The following PPFIBP1 variants were observed in gnomAD, a reference collection of about 807,000 sequenced individuals.
The protein encoded by PPFIBP1 is liprin-beta-1.
A neutral mutation model predicts 137.8 loss-of-function variants in PPFIBP1; 112 were observed. The observed-to-expected ratio is 0.81, with a 90% CI of 0.70 to 0.95. The LOEUF (loss-of-function observed/expected upper bound fraction) is 0.95. Among genes scored for constraint, PPFIBP1 ranks in the 40% least tolerant of loss-of-function variants. PPFIBP1 has a pLI of 0.00. For synonymous variants in PPFIBP1, 378 were observed against 417.3 expected (o/e 0.91, Z 1.15); for missense variants, 1,083 against 1,196.6 (o/e 0.91, Z 1.40).
At chr12:27,668,945 G>A (rs1173644132) in intron 13 of PPFIBP1, among the ~76,000 whole-genome samples, 4 of 152,108 alleles carry the variant, frequency 2.6e-5, no homozygotes, top group African/African-American at 4.8e-5. Context: ...GATAGCCCTT[G>A]TGCTTGATCT....
At chr12:27,615,101 A>T (rs760606413) in intron 2 of PPFIBP1, among the ~76,000 whole-genome samples, 4 of 152,316 alleles carry the variant, frequency 2.6e-5, no homozygotes, top group Middle Eastern at 3.4e-3. Flanking sequence ...GGGGGTTCTG[A>T]GCTTGGGCTG....
intron 2 of PPFIBP1, among the ~76,000 whole-genome samples, chr12:27,606,463 A>G (rs1035846015): frequency 2.0e-5 from 3 of 152,214 alleles, no homozygotes; most frequent in African/African-American, 7.2e-5. Flanking sequence ...ATTGTTTGCC[A>G]TTTGATAGCT....
At chr12:27,614,702 C>G (rs2055555229) in intron 2 of PPFIBP1, among the ~76,000 whole-genome samples, 1 of 151,992 alleles carries the variant, frequency 6.6e-6, no homozygotes, top group Non-Finnish European at 1.5e-5. Flanking sequence ...GAAAGGACAG[C>G]CTGCAATGCA....
intron 24 of PPFIBP1, among the ~76,000 whole-genome samples, chr12:27,686,762 A>G (rs946138866): frequency 2.0e-5 from 3 of 152,028 alleles, no homozygotes; most frequent in Non-Finnish European, 4.4e-5. Flanking sequence ...CCTTGCTAGG[A>G]GCGGTGCCTC....
chr12:27,622,559 C>T (rs1219306349), intron 2 of PPFIBP1, among the ~76,000 whole-genome samples: 4 of 152,188 alleles, frequency 2.6e-5, no homozygotes, highest in South Asian at 2.1e-4. Context: ...GGTTTTCAAA[C>T]GTTTTTAACC....
In PPFIBP1 at chr12:27,535,240, G is replaced by C. The variant is rs376317754; in HGVS notation, c.-124+10875G>C. Reference sequence around the variant, plus strand: ...CTTTCTCATACAGTTTTTTTCTCTTGACTTGTCATAGTATTGGCTACTTGT... The same window carrying C: ...CTTTCTCATACAGTTTTTTTCTCTTCACTTGTCATAGTATTGGCTACTTGT... On this transcript the variant is annotated intron_variant, in intron 1 of 29. Coordinates refer to ENST00000228425, the MANE Select transcript of PPFIBP1 (RefSeq NM_003622.4). Among the ~76,000 whole-genome samples the C allele has an allele frequency of 4.6e-5, 7 of 152,096 alleles. 1 individual carries two copies. Among genetic ancestry groups the C allele is most frequent in the African/African-American group, 1.7e-4 (7 of 41,488 alleles).
In PPFIBP1 at chr12:27,682,671, G is replaced by C; in HGVS notation, c.2215G>C (p.Val739Leu). Residue 739 changes from valine to leucine, a missense_variant, in exon 24 of 30, where the codon GTT becomes CTT. Val to Leu is a conservative substitution (Grantham distance 32). Coordinates refer to ENST00000228425, the MANE Select transcript of PPFIBP1 (RefSeq NM_003622.4). Reference sequence around the variant, plus strand: ...TAAGACCCAGTTTGATGAAGGACGGGTTGATGGTCGAATGCTACATTACAT... The same window carrying C: ...TAAGACCCAGTTTGATGAAGGACGGCTTGATGGTCGAATGCTACATTACAT... ...QYKTQFDEGR[V>L]DGRMLHYMTV... is the part of the protein sequence containing the mutation. 2 of 1,614,144 alleles carry C rather than the reference G, an allele frequency of 1.2e-6. No individual in the cohort carries two copies. The highest frequency in any genetic ancestry group is 1.7e-6 in the Non-Finnish European group (2 of 1,180,026).
intron 2 of PPFIBP1, among the ~76,000 whole-genome samples, chr12:27,579,856 A>G (rs559628073): frequency 6.6e-6 from 1 of 152,198 alleles, no homozygotes; most frequent in Non-Finnish European, 1.5e-5. Flanking sequence ...CTCAACAGGA[A>G]CAGATGAAGA....
chr12:27,631,638 A>C (rs1183601092), intron 2 of PPFIBP1, among the ~76,000 whole-genome samples: 1 of 152,210 alleles, frequency 6.6e-6, no homozygotes, highest in Non-Finnish European at 1.5e-5. Context: ...CTAGTTCTTC[A>C]CTACTTTGAA....
intron 1 of PPFIBP1, among the ~76,000 whole-genome samples, chr12:27,561,426 AAT>A (rs1442584379): frequency 6.6e-6 from 1 of 152,156 alleles, no homozygotes; most frequent in Non-Finnish European, 1.5e-5. Context: ...TTGAATCTCA[AAT>A]ATCTTTAGCT....
chr12:27,649,863 AT>A, intron 6 of PPFIBP1, 146 bp from the exon 7 acceptor site: 1 of 759,218 alleles, frequency 1.3e-6, no homozygotes, highest in Non-Finnish European at 2.0e-6. Flanking sequence ...CAAGTGAATA[AT>A]TTTTTAAAAG....
intron 2 of PPFIBP1, among the ~76,000 whole-genome samples, chr12:27,606,646 G>A (rs2054556127): frequency 6.6e-6 from 1 of 152,202 alleles, no homozygotes; most frequent in East Asian, 1.9e-4. Context: ...GATAAAATTT[G>A]TTAGGGTTGA....
intron 1 of PPFIBP1, chr12:27,549,416 G>C (rs1169184042): frequency 6.6e-6 from 1 of 152,198 alleles, no homozygotes; most frequent in Non-Finnish European, 1.5e-5. Flanking sequence ...CTTTTCTACA[G>C]TCCGGATGAG....
chr12:27,599,506 C>G (rs2053725157), intron 2 of PPFIBP1: 1 of 455,826 alleles, frequency 2.2e-6, no homozygotes, highest in Non-Finnish European at 4.4e-6. Context: ...AAATCTCTCT[C>G]CTTTCTCTTT....
intron 2 of PPFIBP1, among the ~76,000 whole-genome samples, chr12:27,585,750 A>G (rs1015876361): frequency 3.3e-5 from 5 of 152,214 alleles, no homozygotes; most frequent in African/African-American, 4.8e-5. Context: ...AGGAGCTTCA[A>G]TATAACCTGG....
At position 27,688,890 on chromosome 12, in the gene PPFIBP1, C is replaced by T. The variant is rs924982831; in HGVS notation, c.2497-125C>T. ...ATCAAAGTCCATATTGTGTCTACCTCACCGGGCTGTTGAGAGGATCATTGG... is the reference window on the plus strand; with the variant it reads ...ATCAAAGTCCATATTGTGTCTACCTTACCGGGCTGTTGAGAGGATCATTGG... On this transcript the variant is annotated intron_variant, in intron 26 of 29. Transcript: ENST00000228425. 4 of 839,186 alleles carry T rather than the reference C, an allele frequency of 4.8e-6. No individual in the cohort carries two copies. The African/African-American group carries it at 7.0e-5, about 15-fold the overall frequency. 52.0% of individuals were successfully genotyped at this position (839,186 alleles called of 1,614,324 possible).
chr12:27,612,615 C>T (rs1428302080), intron 2 of PPFIBP1, among the ~76,000 whole-genome samples: 1 of 152,072 alleles, frequency 6.6e-6, no homozygotes, highest in African/African-American at 2.4e-5. Context: ...TCCGAAAGTG[C>T]TGGAATTACA....
intron 2 of PPFIBP1, among the ~76,000 whole-genome samples, chr12:27,589,992 C>T (rs2052296535): frequency 6.6e-6 from 1 of 151,978 alleles, no homozygotes; most frequent in Non-Finnish European, 1.5e-5. Context: ...TTGTCTGCCT[C>T]CCTTTTCACT....
chr12:27,657,845 C>T (rs763271475), intron 9 of PPFIBP1, among the ~76,000 whole-genome samples: 76 of 152,252 alleles, frequency 5.0e-4, no homozygotes, highest in Middle Eastern at 3.4e-3. Context: ...CAGTGGCTCA[C>T]ACCTGTAATT....
Sources: gnomAD v4.1 joint callset for allele counts (sites outside exome capture counted in the v4.1 genomes callset) on GRCh38, gnomAD v4.1.1 for gene constraint, MANE v1.5 for transcripts, NCBI Gene and HGNC (gene_info 2026-07-23, HGNC 2026-07-21) for gene names.